RFX3: variants seen among roughly 807,000 people sequenced by gnomAD.
RFX3 encodes the protein regulatory factor X3, also known as transcription factor RFX3.
RFX3 carries 14 observed loss-of-function variants against 98.6 expected under a neutral mutation model. That is an observed-to-expected ratio of 0.14 (90% CI 0.09 to 0.22). The LOEUF is 0.22. RFX3 is among the 10% of genes least tolerant of loss of function. The pLI is 1.00. For missense variants in RFX3, 639 were observed against 926.9 expected (o/e 0.69, Z 4.03); for synonymous variants, 383 against 328.4 (o/e 1.17, Z -1.80).
chr9:3,494,098 G>A (rs919468473), intron 1 of RFX3, among the ~76,000 whole-genome samples: 3 of 152,004 alleles, frequency 2.0e-5, no homozygotes, highest in East Asian at 3.8e-4. Flanking sequence ...AAGATATCAC[G>A]TATCTTTTAA....
intron 4 of RFX3, among the ~76,000 whole-genome samples, chr9:3,320,733 T>C (rs1461634038): frequency 8.1e-6 from 1 of 123,926 alleles, no homozygotes; most frequent in African/African-American, 4.6e-5. Flanking sequence ...CACACACATA[T>C]GTGCCTATAT....
intron 2 of RFX3, among the ~76,000 whole-genome samples, chr9:3,380,738 A>G (rs1037958013): frequency 6.6e-6 from 1 of 152,246 alleles, no homozygotes; most frequent in African/African-American, 2.4e-5. Context: ...GAAGATAGAA[A>G]TATAATTTAA....
rs1169959832 is a variant in RFX3 at position 3,457,139 on chromosome 9, C to CAAAA, written c.-8-61547_-8-61544dup. ...CTGGCAACAGGGCGAGACTCCATCT[C>CAAAA]AAAAAAAAAAAAAAAAAAAAAAAAA... On this transcript the variant is annotated intron_variant, in intron 1 of 16. Coordinates refer to ENST00000617270, the MANE Select transcript of RFX3 (RefSeq NM_001282116.2). 9.5e-3 allele frequency among the ~76,000 whole-genome samples: 216 copies of CAAAA among 22,816 alleles called. 7 individuals carry two copies. Among genetic ancestry groups the CAAAA allele is most frequent in the African/African-American group, 0.02 (115 of 5,820 alleles). 15.0% of individuals were successfully genotyped at this position (22,816 alleles called of 152,430 possible).
chr9:3,262,601 A>G (rs1403090820), intron 13 of RFX3, among the ~76,000 whole-genome samples: 1 of 152,194 alleles, frequency 6.6e-6, no homozygotes, highest in Admixed American at 6.5e-5. Context: ...AAGTAACGCA[A>G]TTGCCCAAGA....
intron 2 of RFX3, among the ~76,000 whole-genome samples, chr9:3,367,224 T>C (rs1430602973): frequency 6.6e-6 from 1 of 152,098 alleles, no homozygotes; most frequent in African/African-American, 2.4e-5. Context: ...GTGGCAGCAG[T>C]CAGAGTCAAT....
At chr9:3,366,075 T>C (rs112023030) in intron 2 of RFX3, among the ~76,000 whole-genome samples, 10 of 152,108 alleles carry the variant, frequency 6.6e-5, no homozygotes, top group Non-Finnish European at 1.2e-4. Context: ...GTCACTGTGA[T>C]GTAGGCTCGC....
intron 1 of RFX3, among the ~76,000 whole-genome samples, chr9:3,520,967 TACA>T (rs1490330446): frequency 6.6e-6 from 1 of 152,194 alleles, no homozygotes; most frequent in Non-Finnish European, 1.5e-5. Context: ...TGTGAACCAA[TACA>T]ACCAGCCAGA....
chr9:3,409,532 A>G lies in RFX3; in HGVS notation c.-8-13936T>C, dbSNP rs1037053821. On this transcript the variant is annotated intron_variant, in intron 1 of 16. Transcript: ENST00000617270. ...TTTCAAAAACTTTTGCAGCTATTCT[A>G]TGCAGCATCATTTGTGATAAACTTT... is the stretch of plus-strand genomic sequence containing the variant. Among the ~76,000 whole-genome samples the G allele has an allele frequency of 3.9e-5, 6 of 152,360 alleles. No homozygotes were observed. The East Asian group carries it at 5.8e-4, about 15-fold the overall frequency.
intron 2 of RFX3, among the ~76,000 whole-genome samples, chr9:3,388,014 T>G (rs1262757549): frequency 1.3e-5 from 2 of 152,176 alleles, no homozygotes; most frequent in East Asian, 1.9e-4. Flanking sequence ...TACTCTATTA[T>G]GAATTTAACA....
Position 3,265,127 on chromosome 9 carries a change from T to TA in RFX3, c.1455+1080dup, listed in dbSNP as rs566510226. Reference sequence around the variant, plus strand: ...TGCCATGATGGACATGCTCTACACATATGCTGCCTAACATGGTAGCCAGCA... The same window carrying TA: ...TGCCATGATGGACATGCTCTACACATAATGCTGCCTAACATGGTAGCCAGCA... On this transcript the variant is annotated intron_variant, in intron 12 of 16. Coordinates refer to ENST00000617270, the MANE Select transcript of RFX3 (RefSeq NM_001282116.2). Among the ~76,000 whole-genome samples, 928 of 152,284 alleles carry TA rather than the reference T, an allele frequency of 6.1e-3. 3 individuals are homozygous for TA. Among genetic ancestry groups the TA allele is most frequent in the Non-Finnish European group, 9.9e-3 (670 of 68,012 alleles).
chr9:3,327,075 G>T (rs956245884), intron 4 of RFX3, among the ~76,000 whole-genome samples: 16 of 152,004 alleles, frequency 1.1e-4, no homozygotes, highest in Non-Finnish European at 1.9e-4. Flanking sequence ...GAAAGAAATG[G>T]CTTGAGTCTT....
chr9:3,253,159 T>C (rs375588426), intron 14 of RFX3, among the ~76,000 whole-genome samples: 27 of 152,322 alleles, frequency 1.8e-4, no homozygotes, highest in African/African-American at 6.5e-4. Flanking sequence ...TTTATCTTTA[T>C]AACTCATGGC....
intron 2 of RFX3, among the ~76,000 whole-genome samples, chr9:3,354,279 G>C (rs1029055477): frequency 6.6e-6 from 1 of 151,786 alleles, no homozygotes; most frequent in East Asian, 1.9e-4. Flanking sequence ...ACGAACAGAA[G>C]AACATCATCA....
intron 1 of RFX3, among the ~76,000 whole-genome samples, chr9:3,422,681 G>A (rs947699918): frequency 6.6e-6 from 1 of 152,092 alleles, no homozygotes; most frequent in Non-Finnish European, 1.5e-5. Context: ...TTAGCTACTA[G>A]CTTGAATGGT....
chr9:3,288,977 T>C (rs1049771675), intron 6 of RFX3, among the ~76,000 whole-genome samples: 1 of 152,102 alleles, frequency 6.6e-6, no homozygotes. Context: ...GGAATAAAAA[T>C]GTCACAATTT....
intron 1 of RFX3, among the ~76,000 whole-genome samples, chr9:3,464,911 TAAA>T (rs893811042): frequency 1.4e-5 from 2 of 147,338 alleles, no homozygotes; most frequent in Non-Finnish European, 3.0e-5. Flanking sequence ...TGTAAATACT[TAAA>T]AAAAAAAAAT....
intron 6 of RFX3, 22 bp downstream of exon 6, chr9:3,293,055 G>T (rs1827590560): frequency 2.6e-6 from 4 of 1,567,198 alleles, no homozygotes; most frequent in Non-Finnish European, 3.5e-6. Flanking sequence ...ATTAGTTTAT[G>T]ATCTTATTTT....
intron 2 of RFX3, among the ~76,000 whole-genome samples, chr9:3,376,682 G>A (rs898526923): frequency 2.6e-5 from 4 of 152,042 alleles, no homozygotes; most frequent in African/African-American, 4.8e-5. Context: ...GAAAATTTTT[G>A]CAATCTACTC....
chr9:3,466,277 T>G lies in RFX3; in HGVS notation c.-9+59470A>C, dbSNP rs1019520498. 2.6e-5 allele frequency among the ~76,000 whole-genome samples: 4 copies of G among 152,186 alleles called. No individual in the cohort carries two copies. The East Asian group carries it at 7.7e-4, about 29-fold the overall frequency. On this transcript the variant is annotated intron_variant, in intron 1 of 16. Coordinates refer to ENST00000617270, the MANE Select transcript of RFX3 (RefSeq NM_001282116.2). ...GTATACATATATGCTTAAGGTCATA[T>G]AGCCAAAATCAAAGCAAAAATCCCA...
Sources: gnomAD v4.1 joint callset for allele counts (sites outside exome capture counted in the v4.1 genomes callset) on GRCh38, gnomAD v4.1.1 for gene constraint, MANE v1.5 for transcripts, NCBI Gene and HGNC (gene_info 2026-07-23, HGNC 2026-07-21) for gene names.